The following DCC variants were observed in gnomAD, a reference collection of about 807,000 sequenced individuals.
The protein encoded by DCC is DCC netrin 1 receptor, also known as netrin receptor DCC.
DCC carries 58 observed loss-of-function variants against 172.5 expected under a neutral mutation model. That is an observed-to-expected ratio of 0.34 (90% CI 0.27 to 0.42). The LOEUF is 0.42. DCC is among the 10% of genes least tolerant of loss of function. DCC has a pLI of 1.00. For missense variants in DCC, 1,740 were observed against 1,791.0 expected, an observed-to-expected ratio of 0.97 and a Z score of 0.51; for synonymous variants, 709 against 644.5, an observed-to-expected ratio of 1.10 and a Z score of -1.52.
intron 7 of DCC, among the ~76,000 whole-genome samples, chr18:53,145,942 C>T (rs1274029263): frequency 6.6e-6 from 1 of 152,106 alleles, no homozygotes; most frequent in Non-Finnish European, 1.5e-5. Context: ...TAACAAAATA[C>T]CACAGACTGG....
rs2039172106 is a variant in DCC at position 52,863,265 on chromosome 18, T to TG, written c.413-42779_413-42778insG. Among the ~76,000 whole-genome samples the TG allele has an allele frequency of 2.0e-5, 3 of 152,094 alleles. No individual in the cohort carries two copies. The East Asian group carries it at 5.8e-4, about 29-fold the overall frequency. The stretch of plus-strand genomic sequence containing the variant: ...TATACACTTTGCATACAGAATTGTT[T>TG]CTCTTGTATCTAGTAGTTTTAATCA... On this transcript the variant is annotated intron_variant, in intron 2 of 28. Transcript: ENST00000442544.
chr18:53,307,631 T>C (rs1456497909), intron 13 of DCC, among the ~76,000 whole-genome samples: 5 of 151,778 alleles, frequency 3.3e-5, no homozygotes, highest in Admixed American at 6.6e-5. Flanking sequence ...GGATTAATAT[T>C]CCAATAAAAA....
chr18:53,348,697 C>G (rs2057753171), intron 15 of DCC, among the ~76,000 whole-genome samples: 1 of 152,158 alleles, frequency 6.6e-6, no homozygotes, highest in African/African-American at 2.4e-5. Context: ...TGTGCACTGG[C>G]AGGCTCAACA....
At chr18:53,484,877 G>C (rs1001035783) in intron 25 of DCC, among the ~76,000 whole-genome samples, 5 of 151,978 alleles carry the variant, frequency 3.3e-5, no homozygotes, top group African/African-American at 1.2e-4. Flanking sequence ...GCTTTGGGTA[G>C]TATGAACCTT....
intron 5 of DCC, among the ~76,000 whole-genome samples, chr18:53,059,218 C>A (rs2042459406): frequency 6.6e-6 from 1 of 152,062 alleles, no homozygotes. Flanking sequence ...CTGGTTCCCT[C>A]CCATGACATG....
intron 1 of DCC, among the ~76,000 whole-genome samples, chr18:52,499,101 C>T (rs2030921237): frequency 6.6e-6 from 1 of 152,150 alleles, no homozygotes; most frequent in Non-Finnish European, 1.5e-5. Flanking sequence ...TAAATTTGGC[C>T]TTATACATTT....
chr18:53,424,375 G>A (rs1271483783), intron 21 of DCC, among the ~76,000 whole-genome samples: 1 of 152,138 alleles, frequency 6.6e-6, no homozygotes, highest in Non-Finnish European at 1.5e-5. Context: ...AACATTAGAA[G>A]GAAATGGTCC....
intron 1 of DCC, among the ~76,000 whole-genome samples, chr18:52,735,176 AAGAACAG>A (rs2036705884): frequency 6.6e-6 from 1 of 152,094 alleles, no homozygotes; most frequent in African/African-American, 2.4e-5. Flanking sequence ...TTGTTGCTGG[AAGAACAG>A]AGAAACTGTC....
At chr18:53,323,004 G>A (rs572323928) in intron 14 of DCC, among the ~76,000 whole-genome samples, 15 of 152,102 alleles carry the variant, frequency 9.9e-5, no homozygotes, top group South Asian at 4.1e-4. Context: ...AGATAAACTC[G>A]TATGTATTGA....
chr18:52,731,705 A>G (rs1218594216), intron 1 of DCC, among the ~76,000 whole-genome samples: 1 of 152,066 alleles, frequency 6.6e-6, no homozygotes, highest in Non-Finnish European at 1.5e-5. Context: ...ACCCACCCAC[A>G]GATCTACCAC....
chr18:53,071,763 C>A (rs764341165), intron 7 of DCC, among the ~76,000 whole-genome samples: 77 of 152,110 alleles, frequency 5.1e-4, no homozygotes, highest in African/African-American at 1.8e-3. Flanking sequence ...TAAGAAGTCT[C>A]CTTTCTAAAT....
chr18:53,424,111 T>C (rs1166816247), intron 21 of DCC, among the ~76,000 whole-genome samples: 2 of 152,194 alleles, frequency 1.3e-5, no homozygotes, highest in Non-Finnish European at 2.9e-5. Flanking sequence ...CTGATGGTAG[T>C]TACATTTGTA....
At chr18:52,742,592 A>G (rs2036839946) in intron 1 of DCC, among the ~76,000 whole-genome samples, 1 of 152,186 alleles carries the variant, frequency 6.6e-6, no homozygotes, top group Non-Finnish European at 1.5e-5. Flanking sequence ...ATTACAGTAA[A>G]AACAAAATAA....
chr18:53,017,131 A>G lies in DCC; in HGVS notation c.986-46174A>G. Among the ~76,000 whole-genome samples, 2 of 142,434 alleles carry G rather than the reference A, an allele frequency of 1.4e-5. 1 individual carries two copies. 93.4% of individuals were successfully genotyped at this position (142,434 alleles called of 152,430 possible). The stretch of plus-strand genomic sequence containing the variant: ...CTCACTGTTACCCAGGCTGGAGTGC[A>G]GTAGCGCCATCTCGGCTCACTGCAA... On this transcript the variant is annotated intron_variant, in intron 5 of 28. Transcript: ENST00000442544.
intron 22 of DCC, among the ~76,000 whole-genome samples, chr18:53,441,889 G>A (rs1912299095): frequency 6.6e-6 from 1 of 152,152 alleles, no homozygotes; most frequent in African/African-American, 2.4e-5. Flanking sequence ...GTAATCTACA[G>A]ACTCAGTAAA....
intron 5 of DCC, among the ~76,000 whole-genome samples, chr18:53,048,484 A>C (rs2042288692): frequency 7.9e-6 from 1 of 126,500 alleles, no homozygotes; most frequent in African/African-American, 3.6e-5. Flanking sequence ...GTAATACTCC[A>C]TGGTTTGTGT....
At position 53,335,350 on chromosome 18, in the gene DCC, GTCTTTCCTCTCC is replaced by G. The variant is rs2057579944; in HGVS notation, c.2165-4362_2165-4351del. On this transcript the variant is annotated intron_variant, in intron 14 of 28. Transcript: ENST00000442544. The stretch of plus-strand genomic sequence containing the variant: ...ATTTGTTTATTAGGACTTATGTTTT[GTCTTTCCTCTCC>G]CACCACTATATTTTTAGTACCTAGA... Among the ~76,000 whole-genome samples, 42 of 152,188 alleles carry G rather than the reference GTCTTTCCTCTCC, an allele frequency of 2.8e-4. No individual in the cohort carries two copies. The South Asian group carries it at 6.8e-3, about 25-fold the overall frequency.
chr18:52,488,934 C>T (rs573964884), intron 1 of DCC, among the ~76,000 whole-genome samples: 58 of 152,176 alleles, frequency 3.8e-4, no homozygotes, highest in African/African-American at 1.4e-3. Context: ...CTTCAACAAA[C>T]CACCTTTCCC....
At chr18:53,419,750 GTTAT>G (rs766932023) in intron 21 of DCC, among the ~76,000 whole-genome samples, 1 of 151,912 alleles carries the variant, frequency 6.6e-6, no homozygotes, top group East Asian at 1.9e-4. Flanking sequence ...TCAGAGAGAT[GTTAT>G]TTGTCTATTG....
Sources: gnomAD v4.1 joint callset for allele counts (sites outside exome capture counted in the v4.1 genomes callset) on GRCh38, gnomAD v4.1.1 for gene constraint, MANE v1.5 for transcripts, NCBI Gene and HGNC (gene_info 2026-07-23, HGNC 2026-07-21) for gene names.